LHFPL3: variants seen among roughly 807,000 people sequenced by gnomAD.
LHFPL3 encodes LHFPL tetraspan subfamily member 3, also known as LHFPL tetraspan subfamily member 3 protein.
In LHFPL3, 5 loss-of-function variants were observed where a neutral mutation model predicts 19.3. The ratio of observed to expected loss-of-function variants is 0.26; its 90% confidence interval spans 0.14 to 0.54. LHFPL3 has a LOEUF of 0.54. LHFPL3 is among the 20% of genes least tolerant of loss of function. LHFPL3 has a pLI of 0.94. For synonymous variants in LHFPL3, 133 were observed against 126.2 expected (o/e 1.05, Z -0.36); for missense variants, 249 against 307.4 (o/e 0.81, Z 1.42).
chr7:104,585,637 T>C (rs1027249662), intron 1 of LHFPL3, among the ~76,000 whole-genome samples: 1 of 152,110 alleles, frequency 6.6e-6, no homozygotes, highest in East Asian at 1.9e-4. Context: ...CTCCAAGTCA[T>C]TGTGCTTTCC....
intron 1 of LHFPL3, among the ~76,000 whole-genome samples, chr7:104,337,488 T>C (rs1314291720): frequency 6.6e-6 from 1 of 152,148 alleles, no homozygotes; most frequent in Admixed American, 6.5e-5. Context: ...CAGGGAATTA[T>C]AATAGACTCT....
At chr7:104,689,040 A>AC (rs1462846757) in intron 1 of LHFPL3, among the ~76,000 whole-genome samples, 1 of 152,154 alleles carries the variant, frequency 6.6e-6, no homozygotes, top group Admixed American at 6.5e-5. Flanking sequence ...GTCACTTTAG[A>AC]CCTACTCATC....
At chr7:104,519,043 C>A (rs1429930147) in intron 1 of LHFPL3, among the ~76,000 whole-genome samples, 2 of 152,034 alleles carry the variant, frequency 1.3e-5, no homozygotes, top group Non-Finnish European at 2.9e-5. Flanking sequence ...CTCTTCTCTT[C>A]CAGCAAAACT....
At chr7:104,617,533 A>G (rs1791369279) in intron 1 of LHFPL3, among the ~76,000 whole-genome samples, 1 of 152,238 alleles carries the variant, frequency 6.6e-6, no homozygotes, top group Admixed American at 6.5e-5. Context: ...ACATAATGAG[A>G]AAACATCTGG....
At chr7:104,720,981 G>A (rs1039611470) in intron 1 of LHFPL3, among the ~76,000 whole-genome samples, 5 of 152,132 alleles carry the variant, frequency 3.3e-5, no homozygotes, top group East Asian at 1.9e-4. Context: ...ACAGTGTGAC[G>A]ATTCCTCAAA....
At chr7:104,401,916 A>C (rs930679369) in intron 1 of LHFPL3, among the ~76,000 whole-genome samples, 3 of 152,192 alleles carry the variant, frequency 2.0e-5, no homozygotes, top group African/African-American at 4.8e-5. Flanking sequence ...GGAACAATGG[A>C]AATAATTCTT....
intron 1 of LHFPL3, among the ~76,000 whole-genome samples, chr7:104,705,938 A>T (rs1793183920): frequency 6.6e-6 from 1 of 152,146 alleles, no homozygotes; most frequent in African/African-American, 2.4e-5. Flanking sequence ...AACAAGATAT[A>T]TTGAGTCTTT....
chr7:104,557,150 C>T (rs999294214), intron 1 of LHFPL3, among the ~76,000 whole-genome samples: 3 of 152,194 alleles, frequency 2.0e-5, no homozygotes, highest in Admixed American at 2.0e-4. Flanking sequence ...CCAATCTCTG[C>T]CTTGTTCCCA....
At chr7:104,543,416 A>G (rs1465723866) in intron 1 of LHFPL3, among the ~76,000 whole-genome samples, 1 of 152,068 alleles carries the variant, frequency 6.6e-6, no homozygotes, top group Non-Finnish European at 1.5e-5. Context: ...ATTACTGGGT[A>G]TATACCCAAA....
chr7:104,736,362 C>T (rs911806126), intron 1 of LHFPL3, among the ~76,000 whole-genome samples: 1 of 152,136 alleles, frequency 6.6e-6, no homozygotes, highest in African/African-American at 2.4e-5. Context: ...AAATGCACCC[C>T]AAAATTCCAT....
intron 1 of LHFPL3, among the ~76,000 whole-genome samples, chr7:104,660,152 C>T (rs932415558): frequency 6.6e-6 from 1 of 152,172 alleles, no homozygotes; most frequent in South Asian, 2.1e-4. Flanking sequence ...CAGGTGCGTG[C>T]CACCACACCT....
At chr7:104,510,895 A>G (rs1793799115) in intron 1 of LHFPL3, among the ~76,000 whole-genome samples, 1 of 152,138 alleles carries the variant, frequency 6.6e-6, no homozygotes. Context: ...ACCGGGGCCT[A>G]TCAGAGAGTG....
At chr7:104,725,584 T>C (rs1454845906) in intron 1 of LHFPL3, among the ~76,000 whole-genome samples, 1 of 152,178 alleles carries the variant, frequency 6.6e-6, no homozygotes, top group African/African-American at 2.4e-5. Context: ...TCAAAGATCT[T>C]CTGCATCCTC....
At chr7:104,445,523 T>G (rs1340143182) in intron 1 of LHFPL3, among the ~76,000 whole-genome samples, 1 of 152,214 alleles carries the variant, frequency 6.6e-6, no homozygotes, top group East Asian at 1.9e-4. Context: ...CAATAAACTT[T>G]TATCATCTAT....
intron 1 of LHFPL3, among the ~76,000 whole-genome samples, chr7:104,629,538 A>T (rs1250306768): frequency 6.6e-6 from 1 of 152,176 alleles, no homozygotes; most frequent in Non-Finnish European, 1.5e-5. Context: ...TCACCCGGAA[A>T]TGGAAGCTGG....
At chr7:104,745,205 G>T (rs897273309) in intron 2 of LHFPL3, among the ~76,000 whole-genome samples, 1 of 152,140 alleles carries the variant, frequency 6.6e-6, no homozygotes, top group Non-Finnish European at 1.5e-5. Context: ...CGGCTGCAGG[G>T]TTCCTGGGAA....
intron 1 of LHFPL3, among the ~76,000 whole-genome samples, chr7:104,344,429 C>G (rs1300978600): frequency 6.6e-6 from 1 of 152,150 alleles, no homozygotes; most frequent in Non-Finnish European, 1.5e-5. Flanking sequence ...CCTTCCCCTT[C>G]TGAATCTCCA....
chr7:104,544,808 A>T (rs1234678706), intron 1 of LHFPL3, among the ~76,000 whole-genome samples: 1 of 152,206 alleles, frequency 6.6e-6, no homozygotes, highest in Admixed American at 6.6e-5. Context: ...CAAAATCACA[A>T]GTCCTTTTCC....
At chr7:104,738,690 A>G (rs1301379285) in intron 2 of LHFPL3, 1 of 152,186 alleles carries the variant, frequency 6.6e-6, no homozygotes, top group Non-Finnish European at 1.5e-5. Context: ...CATGGTTCAG[A>G]AAAGAACAGC....
Sources: gnomAD v4.1 joint callset for allele counts (sites outside exome capture counted in the v4.1 genomes callset) on GRCh38, gnomAD v4.1.1 for gene constraint, MANE v1.5 for transcripts, NCBI Gene and HGNC (gene_info 2026-07-23, HGNC 2026-07-21) for gene names.